METTL15: variants seen among roughly 807,000 people sequenced by gnomAD.
The protein encoded by METTL15 is 12S rRNA N(4)-cytidine methyltransferase METTL15.
Under a neutral mutation model 38.3 loss-of-function variants are expected in METTL15, and 34 were observed. That is an observed-to-expected ratio of 0.89 (90% CI 0.68 to 1.18). The LOEUF (loss-of-function observed/expected upper bound fraction) is 1.18, where lower values mean the gene tolerates loss of function less well. Ranked by LOEUF, METTL15 falls within the 50% of genes most tolerant of loss-of-function variation. The probability of loss-of-function intolerance (pLI) is 0.00; values close to 1 mark genes in which losing one functional copy is unlikely to be tolerated. For synonymous variants in METTL15, 162 were observed against 170.9 expected (o/e 0.95, Z 0.41); for missense variants, 438 against 498.4 (o/e 0.88, Z 1.15).
intron 6 of METTL15, among the ~76,000 whole-genome samples, chr11:28,504,725 C>A (rs1851613102): frequency 6.6e-6 from 1 of 152,198 alleles, no homozygotes; most frequent in Non-Finnish European, 1.5e-5. Flanking sequence ...TTACTGAATT[C>A]AAATAATTGT....
At chr11:28,362,071 G>A (rs945045758) in intron 5 of METTL15, 1 of 152,078 alleles carries the variant, frequency 6.6e-6, no homozygotes, top group Non-Finnish European at 1.5e-5. Context: ...AATACATATT[G>A]ACCCTCAGTA....
intron 3 of METTL15, among the ~76,000 whole-genome samples, chr11:28,202,997 C>A (rs1377018217): frequency 6.6e-6 from 1 of 151,918 alleles, no homozygotes; most frequent in African/African-American, 2.4e-5. Flanking sequence ...ATTATCTAGT[C>A]TCTGCAAGAT....
chr11:28,353,198 G>T (rs1177119528), intron 4 of METTL15, among the ~76,000 whole-genome samples: 1 of 152,158 alleles, frequency 6.6e-6, no homozygotes, highest in East Asian at 1.9e-4. Context: ...ATGAAAGGGG[G>T]TGATGACCAA....
intron 3 of METTL15, among the ~76,000 whole-genome samples, chr11:28,197,130 G>A (rs559292617): frequency 1.4e-4 from 22 of 151,730 alleles, no homozygotes; most frequent in African/African-American, 4.4e-4. Context: ...TTTAAGAAAC[G>A]CAGCATAGTT....
In METTL15 at chr11:28,273,778, T is replaced by C. The variant is rs185350156; in HGVS notation, c.408-16428T>C. ...ACACTGGACCACATCTAAAAATATT[T>C]CATGATGTATATTTTATTAGTATAG... On this transcript the variant is annotated intron_variant, in intron 4 of 6. Coordinates refer to ENST00000407364, the MANE Select transcript of METTL15 (RefSeq NM_001113528.2). Among the ~76,000 whole-genome samples, 6 of 152,196 alleles carry C rather than the reference T, an allele frequency of 3.9e-5. 1 individual carries two copies. In the East Asian group the frequency reaches 1.2e-3, roughly 29 times the overall value.
At chr11:28,122,365 GTGTGTGTATA>G (rs1336720090) in intron 3 of METTL15, among the ~76,000 whole-genome samples, 88 of 59,988 alleles carry the variant, frequency 1.5e-3, no homozygotes, top group African/African-American at 7.8e-3. Context: ...GTGTGTGTGT[GTGTGTGTATA>G]TATATATATA....
intron 5 of METTL15, among the ~76,000 whole-genome samples, chr11:28,374,238 C>T (rs1850280217): frequency 6.6e-6 from 1 of 152,050 alleles, no homozygotes; most frequent in Admixed American, 6.6e-5. Flanking sequence ...GGCATTGAAT[C>T]TGTAAATTAC....
chr11:28,341,900 C>T (rs894550489), intron 3 of METTL15, among the ~76,000 whole-genome samples: 6 of 152,148 alleles, frequency 3.9e-5, no homozygotes, highest in African/African-American at 1.2e-4. Context: ...TTGTTCCATT[C>T]CTATCACAGT....
intron 6 of METTL15, among the ~76,000 whole-genome samples, chr11:28,429,977 G>C (rs1173182397): frequency 6.2e-5 from 7 of 113,194 alleles, no homozygotes; most frequent in South Asian, 7.3e-4. Context: ...GCCGCCCATC[G>C]TCTGAGATGT....
At position 28,238,452 on chromosome 11, in the gene METTL15, C is replaced by T. The variant is rs539646775; in HGVS notation, c.407+27254C>T. Among the ~76,000 whole-genome samples, 144 of 152,314 alleles carry T rather than the reference C, an allele frequency of 9.5e-4. 2 individuals are homozygous for T. Among genetic ancestry groups the T allele is most frequent in the African/African-American group, 2.7e-3 (112 of 41,584 alleles). On this transcript the variant is annotated intron_variant, in intron 4 of 6. Transcript: ENST00000407364. ...CTCCTGGTGCGCCGTTTCCTAAGCC[C>T]GTCGGAAAAGCGCAGTATTCGGGTG...
At chr11:28,532,232 C>T in the METTL15 span, among the ~76,000 whole-genome samples, 1 of 151,982 alleles carries the variant, frequency 6.6e-6, no homozygotes, top group Non-Finnish European at 1.5e-5. Context: ...TGGTGGATCA[C>T]TTTTTGTTCC....
chr11:28,174,710 G>C (rs1246239876), intron 3 of METTL15, among the ~76,000 whole-genome samples: 1 of 151,498 alleles, frequency 6.6e-6, no homozygotes, highest in Non-Finnish European at 1.5e-5. Flanking sequence ...AGCTACTCAG[G>C]AGGCTGAGGC....
chr11:28,470,311 A>G (rs2133463326), intron 6 of METTL15, among the ~76,000 whole-genome samples: 1 of 152,294 alleles, frequency 6.6e-6, no homozygotes, highest in African/African-American at 2.4e-5. Context: ...TTAGTTGGGC[A>G]CAAGTCTATC....
chr11:28,511,594 G>A (rs756867879), intron 6 of METTL15, among the ~76,000 whole-genome samples: 1 of 152,146 alleles, frequency 6.6e-6, no homozygotes, highest in East Asian at 1.9e-4. Flanking sequence ...CGGCTCAGGA[G>A]TGAAGCTGCG....
chr11:28,508,505 A>G (rs1410763889), intron 6 of METTL15, among the ~76,000 whole-genome samples: 1 of 152,192 alleles, frequency 6.6e-6, no homozygotes, highest in African/African-American at 2.4e-5. Flanking sequence ...AAGAAGATTT[A>G]TTGGCACCAA....
At chr11:28,471,454 A>G (rs1435691264) in intron 6 of METTL15, among the ~76,000 whole-genome samples, 2 of 152,024 alleles carry the variant, frequency 1.3e-5, no homozygotes, top group African/African-American at 2.4e-5. Flanking sequence ...CCTTTTTGTG[A>G]TCTGAATCAA....
chr11:28,269,879 A>T (rs1203967507), intron 4 of METTL15, among the ~76,000 whole-genome samples: 1 of 152,210 alleles, frequency 6.6e-6, no homozygotes, highest in African/African-American at 2.4e-5. Context: ...TTTAAATTGG[A>T]TCTGATGGGA....
At chr11:28,344,571 A>G (rs1305996432) in intron 3 of METTL15, among the ~76,000 whole-genome samples, 1 of 152,202 alleles carries the variant, frequency 6.6e-6, no homozygotes, top group Non-Finnish European at 1.5e-5. Context: ...GATATGTCAA[A>G]GGGTAAAGGC....
chr11:28,211,030 A>G, intron 3 of METTL15, 32 bp from the exon 4 acceptor site: 1 of 1,589,696 alleles, frequency 6.3e-7, no homozygotes, highest in Non-Finnish European at 8.5e-7. Context: ...TGTTTATGCT[A>G]AGTTGTAATT....
Sources: gnomAD v4.1 joint callset for allele counts (sites outside exome capture counted in the v4.1 genomes callset) on GRCh38, gnomAD v4.1.1 for gene constraint, MANE v1.5 for transcripts, NCBI Gene and HGNC (gene_info 2026-07-23, HGNC 2026-07-21) for gene names.